The following PPP1R14C variants were observed in gnomAD, a reference collection of about 807,000 sequenced individuals.
PPP1R14C encodes the protein protein phosphatase 1 regulatory inhibitor subunit 14C, also known as protein phosphatase 1 regulatory subunit 14C.
Under a neutral mutation model 20.4 loss-of-function variants are expected in PPP1R14C, and 16 were observed. The ratio of observed to expected loss-of-function variants is 0.78; its 90% CI spans 0.53 to 1.19. PPP1R14C has a LOEUF of 1.19. PPP1R14C is among the 50% of genes most tolerant of loss of function. PPP1R14C has a pLI of 0.00. For synonymous variants in PPP1R14C, 91 were observed against 91.0 expected (o/e 1.00, Z 0.00); for missense variants, 211 against 220.1 (o/e 0.96, Z 0.26).
At chr6:150,183,722 A>G (rs921490989) in intron 1 of PPP1R14C, among the ~76,000 whole-genome samples, 5 of 152,096 alleles carry the variant, frequency 3.3e-5, no homozygotes, top group African/African-American at 7.2e-5. Flanking sequence ...CACCTTGGCC[A>G]GGCTGGTCTT....
intron 3 of PPP1R14C, among the ~76,000 whole-genome samples, chr6:150,236,268 GC>G (rs1190012431): frequency 1.3e-5 from 2 of 152,166 alleles, no homozygotes; most frequent in Non-Finnish European, 2.9e-5. Flanking sequence ...CATGAAAGGT[GC>G]CCAGTAAGTA....
intron 2 of PPP1R14C, among the ~76,000 whole-genome samples, chr6:150,215,343 G>A (rs553367435): frequency 1.2e-4 from 19 of 152,356 alleles, no homozygotes; most frequent in African/African-American, 4.3e-4. Flanking sequence ...ATATTGAGAT[G>A]TCTAGTATTT....
chr6:150,187,648 GTAT>G (rs1408983460), intron 1 of PPP1R14C, among the ~76,000 whole-genome samples: 1 of 152,162 alleles, frequency 6.6e-6, no homozygotes, highest in Non-Finnish European at 1.5e-5. Context: ...TGGCTGCGTA[GTAT>G]TCTATGGTGT....
At chr6:150,175,558 A>G (rs1487178393) in intron 1 of PPP1R14C, among the ~76,000 whole-genome samples, 2 of 152,238 alleles carry the variant, frequency 1.3e-5, no homozygotes, top group Non-Finnish European at 2.9e-5. Flanking sequence ...TTCAACAATA[A>G]AAGTGAACTC....
At chr6:150,217,015 A>G (rs1451001056) in intron 3 of PPP1R14C, among the ~76,000 whole-genome samples, 159 bp downstream of exon 3, 2 of 152,224 alleles carry the variant, frequency 1.3e-5, no homozygotes, top group African/African-American at 2.4e-5. Flanking sequence ...CTCTAACTTC[A>G]TTATTTCTAA....
At chr6:150,178,254 ACCTAGG>A (rs1469757695) in intron 1 of PPP1R14C, among the ~76,000 whole-genome samples, 1 of 152,190 alleles carries the variant, frequency 6.6e-6, no homozygotes, top group Non-Finnish European at 1.5e-5. Flanking sequence ...GTAGGTCTGG[ACCTAGG>A]GGTCCAGTGG....
intron 1 of PPP1R14C, among the ~76,000 whole-genome samples, chr6:150,160,827 A>G (rs570362830): frequency 9.9e-5 from 15 of 152,078 alleles, no homozygotes; most frequent in African/African-American, 3.6e-4. Flanking sequence ...GTGTTCTTTG[A>G]CATACCCCCA....
At chr6:150,188,880 A>G (rs1489990539) in intron 1 of PPP1R14C, among the ~76,000 whole-genome samples, 1 of 150,604 alleles carries the variant, frequency 6.6e-6, no homozygotes, top group Non-Finnish European at 1.5e-5. Context: ...AATTTTTTAG[A>G]CAGATTCTTG....
chr6:150,225,646 A>T (rs1046333198), intron 3 of PPP1R14C, among the ~76,000 whole-genome samples: 1 of 152,204 alleles, frequency 6.6e-6, no homozygotes, highest in Non-Finnish European at 1.5e-5. Context: ...CCTGACTGGA[A>T]ACAGGAAGTC....
rs1216146263 is a variant in PPP1R14C at position 150,149,443 on chromosome 6, A to ATTTTTTTTTTTT, written c.306+5956_306+5957insTTTTTTTTTTTT. On this transcript the variant is annotated intron_variant, in intron 1 of 3. Coordinates refer to ENST00000361131, the MANE Select transcript of PPP1R14C (RefSeq NM_030949.3). ...CAGGCTCAAGTGATCCTCCCACCTAATTTTTTTTTTTCTTTTTTTTTTTTT... is the reference window on the plus strand; with the variant it reads ...CAGGCTCAAGTGATCCTCCCACCTAATTTTTTTTTTTTTTTTTTTTTTTCTTTTTTTTTTTTT... Among the ~76,000 whole-genome samples, 9 of 119,948 alleles carry ATTTTTTTTTTTT rather than the reference A, an allele frequency of 7.5e-5. 1 individual carries two copies. Among genetic ancestry groups the ATTTTTTTTTTTT allele is most frequent in the African/African-American group, 2.6e-4 (8 of 30,310 alleles). The allele number at this position is 119,948 out of a possible 152,430, so 78.7% of individuals were successfully genotyped here.
intron 1 of PPP1R14C, among the ~76,000 whole-genome samples, chr6:150,168,416 C>T (rs1384420760): frequency 1.3e-5 from 2 of 151,918 alleles, no homozygotes; most frequent in Non-Finnish European, 2.9e-5. Flanking sequence ...GCCTGTAGTC[C>T]CAGCTACTTG....
chr6:150,158,466 C>T (rs1334145839), intron 1 of PPP1R14C, among the ~76,000 whole-genome samples: 2 of 152,136 alleles, frequency 1.3e-5, no homozygotes, highest in African/African-American at 4.8e-5. Context: ...AGAGAATTAC[C>T]TTTCTGCAAT....
rs191043328 is a variant in PPP1R14C at position 150,209,875 on chromosome 6, A to G, written c.307-4869A>G. Reference sequence around the variant, plus strand: ...TGTGTGTGTGGATGTGAGTGTATGAATGGTGTGGAGTGTATTCATCTGTGT... The same window carrying G: ...TGTGTGTGTGGATGTGAGTGTATGAGTGGTGTGGAGTGTATTCATCTGTGT... On this transcript the variant is annotated intron_variant, in intron 1 of 3. Transcript: ENST00000361131. Among the ~76,000 whole-genome samples, 33 of 141,970 alleles carry G rather than the reference A, an allele frequency of 2.3e-4. No individual in the cohort carries two copies. The East Asian group carries it at 4.5e-3, about 19-fold the overall frequency. 93.1% of individuals were successfully genotyped at this position (141,970 alleles called of 152,430 possible).
Position 150,250,013 on chromosome 6 carries a change from G to T in PPP1R14C, c.*1193G>T, listed in dbSNP as rs1481887178. On this transcript the variant is annotated 3_prime_UTR_variant, in exon 4 of 4. Transcript: ENST00000361131. The stretch of plus-strand genomic sequence containing the variant: ...CCCCGTGCTTGGAGCTAGGCCTGGT[G>T]GCGTGCTCTAGCCCTCTCAGTTACC... 6.5e-6 allele frequency: 1 copy of T among 153,206 alleles called. No homozygotes were observed. Among genetic ancestry groups the T allele is most frequent in the Non-Finnish European group, 1.5e-5 (1 of 68,668 alleles). The allele number at this position is 153,206 out of a possible 1,614,324, so 9.5% of individuals were successfully genotyped here.
intron 3 of PPP1R14C, among the ~76,000 whole-genome samples, chr6:150,237,162 G>T (rs1193846092): frequency 5.3e-5 from 8 of 151,932 alleles, no homozygotes; most frequent in African/African-American, 1.9e-4. Flanking sequence ...GGGCAGGGGG[G>T]ATATAAGCTA....
At chr6:150,216,675 C>A in intron 2 of PPP1R14C, 149 bp from the exon 3 acceptor site, 1 of 606,796 alleles carries the variant, frequency 1.6e-6, no homozygotes, top group Non-Finnish European at 2.8e-6. Context: ...CCAACTGGTG[C>A]TGAAATGAAG....
At chr6:150,227,477 T>G (rs1778243448) in intron 3 of PPP1R14C, among the ~76,000 whole-genome samples, 1 of 152,234 alleles carries the variant, frequency 6.6e-6, no homozygotes, top group South Asian at 2.1e-4. Flanking sequence ...CCAAATTGCT[T>G]GACAGAATGT....
intron 1 of PPP1R14C, among the ~76,000 whole-genome samples, chr6:150,168,347 T>C (rs1436300001): frequency 1.3e-5 from 2 of 151,640 alleles, no homozygotes; most frequent in South Asian, 2.1e-4. Context: ...CCATCCTGGC[T>C]AACATGGTGA....
At chr6:150,152,095 G>A (rs1777254565) in intron 1 of PPP1R14C, among the ~76,000 whole-genome samples, 1 of 149,262 alleles carries the variant, frequency 6.7e-6, no homozygotes, top group Admixed American at 6.6e-5. Flanking sequence ...ACTCCAGCCT[G>A]GGCGACAGAG....
Sources: allele counts gnomAD v4.1 joint callset (sites outside exome capture counted in the v4.1 genomes callset), GRCh38; gene constraint gnomAD v4.1.1; transcripts MANE v1.5; gene names NCBI Gene and HGNC (gene_info 2026-07-23, HGNC 2026-07-21).